The following STXBP5L variants were observed in gnomAD, a reference collection of about 807,000 sequenced individuals.
STXBP5L encodes the protein syntaxin-binding protein 5-like.
A neutral mutation model predicts 144.5 loss-of-function variants in STXBP5L; 65 were observed. The observed-to-expected ratio is 0.45, with a 90% CI of 0.37 to 0.55. The LOEUF (loss-of-function observed/expected upper bound fraction) is 0.55, where lower values mean the gene tolerates loss of function less well. STXBP5L is among the 20% of genes least tolerant of loss of function. The pLI, the probability that STXBP5L is intolerant of heterozygous loss-of-function variation, is 0.00. For missense variants in STXBP5L, 1,298 were observed against 1,405.5 expected (o/e 0.92, Z 1.22); for synonymous variants, 505 against 469.6 (o/e 1.08, Z -0.97).
intron 11 of STXBP5L, among the ~76,000 whole-genome samples, chr3:121,225,814 C>A (rs974346900): frequency 2.0e-5 from 3 of 152,094 alleles, no homozygotes; most frequent in African/African-American, 7.2e-5. Context: ...GATAAATAGG[C>A]CAAATTATAC....
intron 3 of STXBP5L, among the ~76,000 whole-genome samples, chr3:121,040,100 G>A (rs1039661217): frequency 3.3e-5 from 5 of 151,408 alleles, no homozygotes; most frequent in African/African-American, 1.2e-4. Context: ...TTTATTTCTG[G>A]GTCTCTTTCT....
At chr3:121,020,229 G>C (rs1016818252) in intron 3 of STXBP5L, among the ~76,000 whole-genome samples, 2 of 151,142 alleles carry the variant, frequency 1.3e-5, no homozygotes, top group Non-Finnish European at 3.0e-5. Context: ...CAAAGACAAA[G>C]AAAAAAGAAA....
intron 5 of STXBP5L, among the ~76,000 whole-genome samples, chr3:121,050,630 A>C (rs1398643970): frequency 6.6e-6 from 1 of 152,230 alleles, no homozygotes; most frequent in Non-Finnish European, 1.5e-5. Context: ...CTGCAAAAAT[A>C]TGCCAAAATG....
chr3:121,091,824 G>T (rs775888449), intron 5 of STXBP5L, among the ~76,000 whole-genome samples: 30 of 151,904 alleles, frequency 2.0e-4, no homozygotes, highest in Non-Finnish European at 3.1e-4. Context: ...CATTGCTTTT[G>T]GTGTTTTAGA....
intron 7 of STXBP5L, among the ~76,000 whole-genome samples, chr3:121,139,856 A>G (rs1187662456): frequency 6.6e-6 from 1 of 152,050 alleles, no homozygotes; most frequent in Non-Finnish European, 1.5e-5. Context: ...GCTGAAAGTG[A>G]CAATAAAAGA....
intron 9 of STXBP5L, chr3:121,158,587 T>C (rs1297666997): frequency 6.6e-6 from 1 of 152,190 alleles, no homozygotes; most frequent in African/African-American, 2.4e-5. Context: ...TAGAGATTAC[T>C]TTACATTTAG....
chr3:121,183,006 A>C (rs1044814846), intron 9 of STXBP5L, among the ~76,000 whole-genome samples: 4 of 152,242 alleles, frequency 2.6e-5, no homozygotes, highest in Non-Finnish European at 4.4e-5. Context: ...ATAGCTTAAC[A>C]TACATGGGTG....
At chr3:121,235,111 T>C (rs1268595208) in intron 12 of STXBP5L, among the ~76,000 whole-genome samples, 1 of 152,068 alleles carries the variant, frequency 6.6e-6, no homozygotes, top group Non-Finnish European at 1.5e-5. Context: ...TATAAGTATG[T>C]GAATTAACAT....
Position 121,313,288 on chromosome 3 carries a change from C to A in STXBP5L, c.2111-5187C>A, listed in dbSNP as rs1314222447. On this transcript the variant is annotated intron_variant, in intron 19 of 26. Coordinates refer to ENST00000471454, the MANE Select transcript of STXBP5L (RefSeq NM_001308330.2). Reference sequence around the variant, plus strand: ...GGGGCTCCTCACTTCCCAGTAGGGGCGGCTGGGCAGAGGCGCCCCTCACCT... The same window carrying A: ...GGGGCTCCTCACTTCCCAGTAGGGGAGGCTGGGCAGAGGCGCCCCTCACCT... Among the ~76,000 whole-genome samples, 3 of 139,180 alleles carry A rather than the reference C, an allele frequency of 2.2e-5. No homozygotes were observed. The East Asian group carries it at 6.7e-4, about 31-fold the overall frequency. The allele number at this position is 139,180 out of a possible 152,430, so 91.3% of individuals were successfully genotyped here. A position where few individuals can be genotyped will look rare whatever the true frequency, so the allele number is the denominator to read the frequency against.
chr3:120,931,200 C>T (rs573583701), intron 2 of STXBP5L, among the ~76,000 whole-genome samples: 61 of 151,344 alleles, frequency 4.0e-4, no homozygotes, highest in Non-Finnish European at 7.2e-4. Context: ...CAAAGAAACA[C>T]GAATTAGATA....
At chr3:121,014,149 A>AT (rs978822775) in intron 3 of STXBP5L, among the ~76,000 whole-genome samples, 13 of 151,416 alleles carry the variant, frequency 8.6e-5, no homozygotes, top group South Asian at 4.2e-4. Flanking sequence ...GAATTTTAGA[A>AT]TTTTTTTTTC....
intron 20 of STXBP5L, among the ~76,000 whole-genome samples, chr3:121,374,418 C>A (rs755106963): frequency 1.3e-5 from 2 of 151,916 alleles, no homozygotes; most frequent in African/African-American, 2.4e-5. Context: ...AAACATGATA[C>A]CTCCAAAGGA....
At chr3:121,397,228 A>G (rs904734151) in intron 22 of STXBP5L, among the ~76,000 whole-genome samples, 5 of 152,216 alleles carry the variant, frequency 3.3e-5, no homozygotes, top group Non-Finnish European at 7.3e-5. Flanking sequence ...TTTTAAATCT[A>G]TGACTATTAA....
intron 19 of STXBP5L, among the ~76,000 whole-genome samples, chr3:121,317,795 G>A (rs1397626636): frequency 1.3e-5 from 2 of 151,816 alleles, no homozygotes; most frequent in South Asian, 4.2e-4. Flanking sequence ...AAGAAATATT[G>A]GAAAGAGAAA....
chr3:121,388,199 G>C (rs925063093), intron 22 of STXBP5L, among the ~76,000 whole-genome samples: 1 of 152,078 alleles, frequency 6.6e-6, no homozygotes, highest in African/African-American at 2.4e-5. Context: ...CTCTCTGTTT[G>C]TCTGTTATTG....
At chr3:121,079,240 G>A (rs2042154645) in intron 5 of STXBP5L, among the ~76,000 whole-genome samples, 1 of 152,260 alleles carries the variant, frequency 6.6e-6, no homozygotes. Flanking sequence ...CTTAAGGTGG[G>A]AACTATGTGA....
intron 11 of STXBP5L, among the ~76,000 whole-genome samples, chr3:121,223,439 G>A (rs906348721): frequency 1.3e-5 from 2 of 152,132 alleles, no homozygotes; most frequent in African/African-American, 2.4e-5. Context: ...GGTCCAGGGT[G>A]AAATCACTTG....
intron 3 of STXBP5L, among the ~76,000 whole-genome samples, chr3:120,973,423 A>C (rs529372184): frequency 4.6e-5 from 7 of 152,046 alleles, no homozygotes; most frequent in East Asian, 1.9e-4. Context: ...GTAATGTCAG[A>C]AATTGCCATT....
intron 3 of STXBP5L, among the ~76,000 whole-genome samples, chr3:120,964,570 G>T (rs1032506844): frequency 6.6e-6 from 1 of 152,088 alleles, no homozygotes; most frequent in East Asian, 1.9e-4. Context: ...GTTCCATGTG[G>T]TTGTGCGGTT....
Sources: gnomAD v4.1 joint callset for allele counts (sites outside exome capture counted in the v4.1 genomes callset) on GRCh38, gnomAD v4.1.1 for gene constraint, MANE v1.5 for transcripts, NCBI Gene and HGNC (gene_info 2026-07-23, HGNC 2026-07-21) for gene names.